The following DNAJC1 variants were observed in gnomAD, a reference collection of about 807,000 sequenced individuals.
DNAJC1 encodes DnaJ heat shock protein family (Hsp40) member C1.
In DNAJC1, 58 loss-of-function variants were observed where a neutral mutation model predicts 76.6. The observed-to-expected ratio is 0.76, with a 90% CI of 0.61 to 0.94. The LOEUF is 0.94. Ranked by LOEUF, DNAJC1 falls within the 40% of genes least tolerant of loss-of-function variation. DNAJC1 has a pLI of 0.00. For synonymous variants in DNAJC1, 258 were observed against 267.9 expected (o/e 0.96, Z 0.36); for missense variants, 689 against 677.3 (o/e 1.02, Z -0.19).
At chr10:21,994,396 A>C (rs1483078499) in intron 1 of DNAJC1, among the ~76,000 whole-genome samples, 2 of 152,210 alleles carry the variant, frequency 1.3e-5, no homozygotes, top group Non-Finnish European at 2.9e-5. Context: ...CAAACGTGTG[A>C]TATAAAAAGT....
At chr10:21,799,403 A>T (rs1382042291) in intron 9 of DNAJC1, among the ~76,000 whole-genome samples, 1 of 151,896 alleles carries the variant, frequency 6.6e-6, no homozygotes, top group African/African-American at 2.4e-5. Flanking sequence ...GGCTCAAGTG[A>T]TCCTCCTGAC....
chr10:21,966,584 CCTTA>C (rs1179749829), intron 1 of DNAJC1, among the ~76,000 whole-genome samples: 1 of 151,706 alleles, frequency 6.6e-6, no homozygotes, highest in African/African-American at 2.4e-5. Context: ...GGTTAAAATC[CCTTA>C]CTATCGTCAT....
At chr10:21,811,812 A>T (rs762377376) in intron 8 of DNAJC1, among the ~76,000 whole-genome samples, 2 of 152,168 alleles carry the variant, frequency 1.3e-5, no homozygotes, top group Admixed American at 1.3e-4. Flanking sequence ...AATTTCTCAC[A>T]TATAAATACA....
chr10:21,865,848 T>G (rs1018848784), intron 8 of DNAJC1: 2 of 151,812 alleles, frequency 1.3e-5, no homozygotes, highest in African/African-American at 4.8e-5. Flanking sequence ...TAAAAATTAG[T>G]CCTGGGCCAG....
chr10:21,918,286 A>G (rs1169341081), intron 6 of DNAJC1, among the ~76,000 whole-genome samples: 4 of 151,904 alleles, frequency 2.6e-5, no homozygotes, highest in African/African-American at 4.8e-5. Flanking sequence ...TTACCTGTAT[A>G]AGACAAAATG....
intron 8 of DNAJC1, among the ~76,000 whole-genome samples, chr10:21,832,130 G>A (rs560256487): frequency 2.0e-5 from 3 of 152,136 alleles, no homozygotes; most frequent in Non-Finnish European, 4.4e-5. Context: ...AAAAATACAT[G>A]TAAATTCTCA....
chr10:21,914,608 C>A (rs1411697836), intron 6 of DNAJC1, among the ~76,000 whole-genome samples: 2 of 152,046 alleles, frequency 1.3e-5, no homozygotes, highest in Non-Finnish European at 2.9e-5. Context: ...AATATAAATT[C>A]CTAAATAGAT....
intron 1 of DNAJC1, among the ~76,000 whole-genome samples, chr10:21,981,917 G>A (rs929388302): frequency 3.9e-5 from 6 of 151,924 alleles, no homozygotes; most frequent in East Asian, 1.9e-4. Flanking sequence ...ATTGATATCC[G>A]ATCACCCTCA....
Position 22,003,358 on chromosome 10 carries a change from G to C in DNAJC1, c.77C>G (p.Pro26Arg). 7.1e-7 allele frequency: 1 copy of C among 1,413,700 alleles called. No individual in the cohort carries two copies. The highest frequency in any genetic ancestry group is 9.2e-7 in the Non-Finnish European group (1 of 1,087,602). The allele number at this position is 1,413,700 out of a possible 1,614,324, so 87.6% of individuals were successfully genotyped here. A position where few individuals can be genotyped will look rare whatever the true frequency, so the allele number is the denominator to read the frequency against. Residue 26 changes from proline (P) to arginine (R), a missense_variant, in exon 1 of 12, where the codon CCG (proline) becomes CGG (arginine). Physicochemically the swap from Pro to Arg is moderately radical, Grantham distance 103. Coordinates refer to ENST00000376980, the MANE Select transcript of DNAJC1 (RefSeq NM_022365.4). The part of the protein sequence containing the change: ...QLGLVPFPPP[P>R]PRTPLLWLLL... ...CAGCCACAGCAGCGGCGTCCGCGGCGGCGGCGGCGGGAACGGCACCAGCCC... is the reference window on the plus strand; with the variant it reads ...CAGCCACAGCAGCGGCGTCCGCGGCCGCGGCGGCGGGAACGGCACCAGCCC...
At chr10:21,824,911 A>AT (rs1283907186) in intron 8 of DNAJC1, among the ~76,000 whole-genome samples, 1 of 151,964 alleles carries the variant, frequency 6.6e-6, no homozygotes, top group Admixed American at 6.6e-5. Context: ...AGTAGCTGGG[A>AT]TTATAGGTGC....
chr10:21,989,053 C>G (rs1354749034), intron 1 of DNAJC1, among the ~76,000 whole-genome samples: 1 of 152,034 alleles, frequency 6.6e-6, no homozygotes, highest in African/African-American at 2.4e-5. Flanking sequence ...TGTTTTACCC[C>G]CAGACTTGAA....
intron 1 of DNAJC1, among the ~76,000 whole-genome samples, chr10:21,949,762 G>A (rs1489971692): frequency 6.6e-6 from 1 of 151,770 alleles, no homozygotes; most frequent in Non-Finnish European, 1.5e-5. Flanking sequence ...ACCAGTCCTC[G>A]AAACCTTTGG....
chr10:21,839,857 A>C (rs1183204983), intron 8 of DNAJC1, among the ~76,000 whole-genome samples: 1 of 152,244 alleles, frequency 6.6e-6, no homozygotes, highest in Non-Finnish European at 1.5e-5. Context: ...CCTCAGTAAC[A>C]TACTGGCAAA....
At chr10:21,832,444 C>A (rs1835374462) in intron 8 of DNAJC1, among the ~76,000 whole-genome samples, 1 of 152,182 alleles carries the variant, frequency 6.6e-6, no homozygotes, top group African/African-American at 2.4e-5. Context: ...CCATTTGCAT[C>A]ATAAACTTAG....
intron 6 of DNAJC1, among the ~76,000 whole-genome samples, chr10:21,905,438 C>G (rs551452905): frequency 6.6e-6 from 1 of 152,272 alleles, no homozygotes; most frequent in African/African-American, 2.4e-5. Context: ...CCAGCCCACA[C>G]TGTGCTTCCA....
At chr10:21,837,044 G>A (rs781729072) in intron 8 of DNAJC1, among the ~76,000 whole-genome samples, 45 of 152,346 alleles carry the variant, frequency 3.0e-4, no homozygotes, top group Admixed American at 2.0e-3. Flanking sequence ...CCGAGTGCCT[G>A]GGATTGCAGG....
chr10:21,907,535 T>G (rs532600843), intron 6 of DNAJC1, among the ~76,000 whole-genome samples: 1 of 152,158 alleles, frequency 6.6e-6, no homozygotes, highest in African/African-American at 2.4e-5. Context: ...GGGAGGCAGC[T>G]TGAAACTCTA....
At chr10:21,956,558 TATAA>T (rs1038524624) in intron 1 of DNAJC1, among the ~76,000 whole-genome samples, 2 of 150,782 alleles carry the variant, frequency 1.3e-5, no homozygotes, top group East Asian at 1.9e-4. Context: ...CACATACATA[TATAA>T]ATACATATTT....
intron 7 of DNAJC1, among the ~76,000 whole-genome samples, chr10:21,891,970 T>C (rs1187129956): frequency 2.0e-5 from 3 of 152,084 alleles, no homozygotes; most frequent in Non-Finnish European, 4.4e-5. Flanking sequence ...ATCAAAATTA[T>C]AACCTTCAGT....
Sources: gnomAD v4.1 joint callset for allele counts (sites outside exome capture counted in the v4.1 genomes callset) on GRCh38, gnomAD v4.1.1 for gene constraint, MANE v1.5 for transcripts, NCBI Gene and HGNC (gene_info 2026-07-23, HGNC 2026-07-21) for gene names.